NBPF12: variants seen among roughly 807,000 people sequenced by gnomAD.
The protein encoded by NBPF12 is NBPF family member NBPF12.
NBPF12 carries 115 observed loss-of-function variants against 146.4 expected under a neutral mutation model. The ratio of observed to expected loss-of-function variants is 0.79; its 90% CI spans 0.68 to 0.92. The LOEUF (loss-of-function observed/expected upper bound fraction) is 0.92. Among genes scored for constraint, NBPF12 ranks in the 40% least tolerant of loss-of-function variants. The pLI is 0.00. For synonymous variants in NBPF12, 385 were observed against 508.9 expected (o/e 0.76, Z 3.28); for missense variants, 1,205 against 1,326.8 (o/e 0.91, Z 1.43).
chr1:146,994,572 A>G (rs112194652), exon 34 of NBPF12: 10 of 1,609,146 alleles, frequency 6.2e-6, no homozygotes, highest in South Asian at 4.4e-5. Context: ...TATTCCCACA[A>G]TAAGCAGCCC....
intron 8 of NBPF12, among the ~76,000 whole-genome samples, chr1:146,965,791 CAAAA>C (rs1162462110): frequency 0.016 from 482 of 29,466 alleles, no homozygotes; most frequent in Middle Eastern, 0.062. Context: ...GACTGCATCT[CAAAA>C]AAAAAAAAAA....
intron 12 of NBPF12, 132 bp downstream of exon 15, chr1:146,970,851 A>T: frequency 9.8e-7 from 1 of 1,020,678 alleles, no homozygotes. Flanking sequence ...AATTCAACCC[A>T]GCTTAGACAC....
chr1:146,941,405 A>G lies in NBPF12; in HGVS notation c.-821-1886A>G, dbSNP rs1385540097. Among the ~76,000 whole-genome samples, 4 of 151,426 alleles carry G rather than the reference A, an allele frequency of 2.6e-5. No individual in the cohort carries two copies. In the East Asian group the frequency reaches 7.8e-4, roughly 30 times the overall value. On this transcript the variant is annotated intron_variant, in intron 1 of 35. Transcript: ENST00000617931. ...CGGCCAGAGTATCTTAATTTTAATG[A>G]AATATACTTTATCAATCTTTTCCTT...
chr1:146,992,470 G>GTGTGTGTT (rs1658250408), intron 31 of NBPF12, among the ~76,000 whole-genome samples: 6 of 85,450 alleles, frequency 7.0e-5, no homozygotes, highest in Admixed American at 2.5e-4. Context: ...CTCTGTGTGT[G>GTGTGTGTT]TGTGTGTGTG....
At chr1:146,949,284 G>A (rs1452236176), upstream of NBPF12, 1 of 147,352 alleles carries the variant, frequency 6.8e-6, no homozygotes, top group African/African-American at 2.5e-5. Flanking sequence ...GGTGTGGAGG[G>A]GCAACCCATC....
chr1:146,984,526 TC>T (rs1178821377), intron 21 of NBPF12, among the ~76,000 whole-genome samples: 2 of 150,398 alleles, frequency 1.3e-5, no homozygotes, highest in Non-Finnish European at 1.5e-5. Context: ...ATACAGAGTG[TC>T]CTTTGACTCC....
chr1:146,963,068 T>A (rs1335209585), intron 5 of NBPF12, 27 bp from the exon 9 acceptor site: 115 of 1,610,320 alleles, frequency 7.1e-5, no homozygotes, highest in South Asian at 2.0e-4. Context: ...TTTTCACTGT[T>A]AAATTTTCTC....
In NBPF12 at chr1:146,989,180, G is replaced by A. The variant is rs1428340723; in HGVS notation, c.3398+231G>A. 5.4e-4 allele frequency among the ~76,000 whole-genome samples: 63 copies of A among 116,904 alleles called. No homozygotes were observed. In the East Asian group the frequency reaches 0.013, roughly 24 times the overall value. 76.7% of individuals were successfully genotyped at this position (116,904 alleles called of 152,430 possible). ...ATACTTCAAAAGCTGTACTCTCATG[G>A]CCACTGCATCGAATTTTGAGCATAT... is the stretch of plus-strand genomic sequence containing the variant. On this transcript the variant is annotated intron_variant, in intron 27 of 33. Coordinates refer to ENST00000617844, the Ensembl canonical transcript of NBPF12.
rs1298945904 is a variant in NBPF12 at position 146,969,705 on chromosome 1, A to G, written c.1306+109A>G. On this transcript the variant is annotated intron_variant, in intron 11 of 33. Coordinates refer to ENST00000617844, the Ensembl canonical transcript of NBPF12. ...TATCAGTGGGGTTTTTTTCTACTACACATGTGTGGCCATGACATGACCAGG... is the reference window on the plus strand; with the variant it reads ...TATCAGTGGGGTTTTTTTCTACTACGCATGTGTGGCCATGACATGACCAGG... 3.8e-6 allele frequency: 6 copies of G among 1,564,362 alleles called. No homozygotes were observed. In the East Asian group the frequency reaches 6.8e-5, roughly 18 times the overall value.
chr1:146,966,946 A>C (rs1656250351), intron 9 of NBPF12, among the ~76,000 whole-genome samples: 1 of 150,744 alleles, frequency 6.6e-6, no homozygotes, highest in Non-Finnish European at 1.5e-5. Flanking sequence ...TGTTTTCTCC[A>C]AGAGGCTCAA....
intron 5 of NBPF12, among the ~76,000 whole-genome samples, chr1:146,962,623 C>T (rs1369421435): frequency 5.3e-5 from 8 of 151,328 alleles, no homozygotes; most frequent in Non-Finnish European, 8.8e-5. Context: ...CTGACTGCGT[C>T]TTCTCATTCT....
chr1:146,994,735 T>A lies in NBPF12; in HGVS notation c.*160T>A, dbSNP rs1404271535. 1.2e-4 allele frequency: 148 copies of A among 1,275,960 alleles called. No homozygotes were observed. The Middle Eastern group carries it at 5.1e-3, about 44-fold the overall frequency. The allele number at this position is 1,275,960 out of a possible 1,614,324, so 79.0% of individuals were successfully genotyped here. ...CTCAGAGCATGCCAGTGGCAACCTG[T>A]GCTCAGTCTGAAGACAATGGACCCA... On this transcript the variant is annotated 3_prime_UTR_variant, in exon 34 of 34. Transcript: ENST00000617844.
At chr1:146,984,705 G>C (rs1278712080) in intron 21 of NBPF12, 108 bp from the exon 25 acceptor site, 27 of 778,690 alleles carry the variant, frequency 3.5e-5, no homozygotes, top group South Asian at 8.3e-5. Flanking sequence ...TAATGGATCT[G>C]TCCTTTTTCT....
intron 6 of NBPF12, among the ~76,000 whole-genome samples, 190 bp downstream of exon 9, chr1:146,963,499 G>A (rs1280307654): frequency 2.0e-5 from 3 of 152,072 alleles, no homozygotes; most frequent in South Asian, 2.1e-4. Flanking sequence ...TCCCAGTATT[G>A]CAAGTGTCCC....
At chr1:146,992,623 A>G in intron 31 of NBPF12, 89 bp from the exon 35 acceptor site, 2 of 763,574 alleles carry the variant, frequency 2.6e-6, no homozygotes, top group Non-Finnish European at 4.8e-6. Context: ...TTTTTTAACC[A>G]CTTCCTTATG....
chr1:146,964,805 G>A (rs1656085434), intron 7 of NBPF12, 88 bp from the exon 11 acceptor site: 1 of 1,593,936 alleles, frequency 6.3e-7, no homozygotes, highest in South Asian at 1.1e-5. Context: ...CTCTCTTAAT[G>A]CCGCCTGTCA....
At chr1:146,966,085 C>G (rs1199765951) in intron 8 of NBPF12, among the ~76,000 whole-genome samples, 1 of 149,504 alleles carries the variant, frequency 6.7e-6, no homozygotes, top group East Asian at 2.0e-4. Context: ...GCAGCCTGCG[C>G]GACAGAGTGA....
chr1:146,984,699 G>C, intron 21 of NBPF12, 114 bp from the exon 25 acceptor site: 1 of 757,246 alleles, frequency 1.3e-6, no homozygotes, highest in Non-Finnish European at 2.4e-6. Flanking sequence ...CCTCATTAAT[G>C]GATCTGTCCT....
chr1:146,970,801 A>G lies in NBPF12; in HGVS notation c.1379+82A>G, dbSNP rs1318719458. ...AGGCATGCCCTCTCTGGCATCTATG[A>G]TGGGCCAAAAGCCCGCATTCCCTTG... is the stretch of plus-strand genomic sequence containing the variant. On this transcript the variant is annotated intron_variant, in intron 12 of 33. Coordinates refer to ENST00000617844, the Ensembl canonical transcript of NBPF12. The G allele has an allele frequency of 3.0e-4, 342 of 1,152,690 alleles. 4 individuals carry two copies. Among genetic ancestry groups the G allele is most frequent in the Middle Eastern group, 1.4e-3 (5 of 3,526 alleles). The allele number at this position is 1,152,690 out of a possible 1,614,324, so 71.4% of individuals were successfully genotyped here.
Sources: gnomAD v4.1 joint callset for allele counts (sites outside exome capture counted in the v4.1 genomes callset) on GRCh38, gnomAD v4.1.1 for gene constraint, MANE v1.5 for transcripts, NCBI Gene and HGNC (gene_info 2026-07-23, HGNC 2026-07-21) for gene names.